Variants in APBA2 observed in about 807,000 individuals in gnomAD.
APBA2 encodes the protein amyloid-beta A4 precursor protein-binding family A member 2.
Under a neutral mutation model 75.0 loss-of-function variants are expected in APBA2, and 30 were observed. The observed-to-expected ratio is 0.40, with a 90% CI of 0.30 to 0.54. The LOEUF (loss-of-function observed/expected upper bound fraction) is 0.54, where lower values mean the gene tolerates loss of function less well. Among genes scored for constraint, APBA2 ranks in the 20% least tolerant of loss-of-function variants. APBA2 has a pLI of 0.49. For missense variants in APBA2, 801 were observed against 1,016.1 expected, an observed-to-expected ratio of 0.79 and a Z score of 2.88; for synonymous variants, 444 against 409.6, an observed-to-expected ratio of 1.08 and a Z score of -1.01.
intron 3 of APBA2, among the ~76,000 whole-genome samples, chr15:29,019,442 G>GAGTT (rs1232453061): frequency 1.3e-5 from 2 of 152,178 alleles, no homozygotes; most frequent in African/African-American, 4.8e-5. Flanking sequence ...AGATAAAGCA[G>GAGTT]AGTTCTCCCT....
At chr15:29,008,457 A>ATGTTGTTATTG (rs1442671834) in intron 3 of APBA2, among the ~76,000 whole-genome samples, 1 of 152,178 alleles carries the variant, frequency 6.6e-6, no homozygotes, top group Non-Finnish European at 1.5e-5. Flanking sequence ...ATATCTAGTA[A>ATGTTGTTATTG]AACACACACT....
chr15:29,016,977 T>A (rs2039692622), intron 3 of APBA2, among the ~76,000 whole-genome samples: 1 of 152,184 alleles, frequency 6.6e-6, no homozygotes, highest in Non-Finnish European at 1.5e-5. Context: ...AGAAAGCTGA[T>A]CAAAATAACT....
chr15:28,922,849 G>A (rs1396511168), intron 2 of APBA2, among the ~76,000 whole-genome samples: 2 of 152,168 alleles, frequency 1.3e-5, no homozygotes, highest in Non-Finnish European at 2.9e-5. Flanking sequence ...GGCACAGCAG[G>A]ATTTATCCCA....
rs1378447380 is a variant in APBA2, at chr15:28,991,924, G to A, written c.-94-3829G>A. On this transcript the variant is annotated intron_variant, in intron 2 of 14. Transcript: ENST00000683413. The surrounding 1 kb of genome is among the most constrained non-coding windows in gnomAD (Gnocchi z 4.7). ...GAGTGCCAGCCCCTTAGCAAGTGCA[G>A]CGTTGCCCATTTCACTCTGGGAAAT... Among the ~76,000 whole-genome samples, 1 of 152,246 alleles carries A rather than the reference G, an allele frequency of 6.6e-6. No individual in the cohort carries two copies. Among genetic ancestry groups the A allele is most frequent in the Non-Finnish European group, 1.5e-5 (1 of 68,042 alleles).
chr15:29,024,892 C>A (rs1176048745), intron 3 of APBA2, among the ~76,000 whole-genome samples: 1 of 152,066 alleles, frequency 6.6e-6, no homozygotes, highest in Non-Finnish European at 1.5e-5. Context: ...CAGGAGATGG[C>A]CTGAGGTATA....
At chr15:28,992,079 G>A (rs1235680728) in intron 2 of APBA2, among the ~76,000 whole-genome samples, 1 of 152,164 alleles carries the variant, frequency 6.6e-6, no homozygotes, top group Non-Finnish European at 1.5e-5. Flanking sequence ...TTAGGGAGAT[G>A]GGTTCCTTCA....
chr15:28,952,249 G>C (rs1431252542), intron 2 of APBA2, among the ~76,000 whole-genome samples: 2 of 152,090 alleles, frequency 1.3e-5, no homozygotes, highest in Admixed American at 6.6e-5. Flanking sequence ...TATTTTCCAA[G>C]TATACACAAA....
chr15:28,999,631 A>T (rs796199889), intron 3 of APBA2, among the ~76,000 whole-genome samples: 44 of 152,276 alleles, frequency 2.9e-4, no homozygotes, highest in African/African-American at 1.0e-3. Context: ...ATTAGGTGTT[A>T]TCTAGTAAGG....
In APBA2 at chr15:28,995,196, T is replaced by G. The variant is rs1279235559; in HGVS notation, c.-94-557T>G. ...GCCTTCCTGTGCAGAGCTTCCTCTA[T>G]TCAGGGAAGTCTGAGACCTGGTGGC... On this transcript the variant is annotated intron_variant, in intron 2 of 14. Coordinates refer to ENST00000683413, the MANE Select transcript of APBA2 (RefSeq NM_001353788.2). 2.0e-5 allele frequency among the ~76,000 whole-genome samples: 3 copies of G among 152,154 alleles called. 1 individual carries two copies. The highest frequency in any genetic ancestry group is 2.0e-4 in the Admixed American group (3 of 15,280).
At chr15:29,084,889 G>A (rs2043222076) in intron 6 of APBA2, among the ~76,000 whole-genome samples, 1 of 152,136 alleles carries the variant, frequency 6.6e-6, no homozygotes, top group African/African-American at 2.4e-5. Flanking sequence ...TCTGTGTCCT[G>A]TAAAATAGTG....
intron 2 of APBA2, among the ~76,000 whole-genome samples, chr15:28,942,251 G>A (rs756891823): frequency 1.2e-4 from 19 of 152,160 alleles, no homozygotes; most frequent in African/African-American, 4.3e-4. Context: ...ACTGTGGGCC[G>A]CGCTCCTTCC....
intron 2 of APBA2, among the ~76,000 whole-genome samples, chr15:28,952,344 G>A (rs977892612): frequency 6.6e-6 from 1 of 152,074 alleles, no homozygotes; most frequent in African/African-American, 2.4e-5. Flanking sequence ...AGTCTGGGTA[G>A]CATAGAGTGA....
chr15:29,117,177 G>T lies in APBA2; in HGVS notation c.*44G>T. On this transcript the variant is annotated 3_prime_UTR_variant, in exon 15 of 15. Coordinates refer to ENST00000683413, the MANE Select transcript of APBA2 (RefSeq NM_001353788.2). ...CGCAGCCAGGACACCGGGCAGGGCC[G>T]CCCGGGCCCAGAGGAGCTGGGAGCC... The T allele has an allele frequency of 6.3e-7, 1 of 1,591,736 alleles. No individual in the cohort carries two copies. The highest frequency in any genetic ancestry group is 1.1e-5 in the South Asian group (1 of 90,640).
At position 29,094,315 on chromosome 15, in the gene APBA2, T is replaced by A; in HGVS notation, c.1251+2T>A. On this transcript the variant is annotated splice_donor_variant, in intron 8 of 14. Coordinates refer to ENST00000683413, the MANE Select transcript of APBA2 (RefSeq NM_001353788.2). LOFTEE classifies it high-confidence loss of function. ...GCTGCTAAGATCAAGAAAAAAGCGG[T>A]GTGTAGGGCCTTGAGGCCCTGGGAC... is the stretch of plus-strand genomic sequence containing the variant. 1 of 1,614,172 alleles carries A rather than the reference T, an allele frequency of 6.2e-7. No homozygotes were observed. The highest frequency in any genetic ancestry group is 8.5e-7 in the Non-Finnish European group (1 of 1,179,984).
intron 3 of APBA2, among the ~76,000 whole-genome samples, chr15:29,001,655 T>G (rs1350388543): frequency 1.3e-5 from 2 of 152,234 alleles, no homozygotes; most frequent in Admixed American, 6.5e-5. Flanking sequence ...TTTCCTTCCC[T>G]GGAAGAGGCA....
At chr15:29,044,960 G>GCCA (rs528204107) in intron 3 of APBA2, among the ~76,000 whole-genome samples, 29 of 152,076 alleles carry the variant, frequency 1.9e-4, no homozygotes, top group Admixed American at 4.6e-4. Context: ...TTCATAGGTG[G>GCCA]CCATCTTCTT....
intron 2 of APBA2, among the ~76,000 whole-genome samples, chr15:28,969,128 T>TTTTCTTTTCTTTCTTTCTTTCTTTC (rs1555383717): frequency 2.9e-5 from 4 of 137,024 alleles, no homozygotes; most frequent in African/African-American, 1.0e-4. Context: ...TTTCATTTCT[T>TTTTCTTTTCTTTCTTTCTTTCTTTC]TTTCTTTCTT....
At chr15:28,968,598 T>C (rs2036866174) in intron 2 of APBA2, among the ~76,000 whole-genome samples, 1 of 152,194 alleles carries the variant, frequency 6.6e-6, no homozygotes. Context: ...CACCCATCTT[T>C]TTGTGAGCAG....
chr15:29,015,857 ATCCTTGCAGTGCTG>A (rs2039633436), intron 3 of APBA2, among the ~76,000 whole-genome samples: 2 of 152,198 alleles, frequency 1.3e-5, no homozygotes, highest in Admixed American at 1.3e-4. Flanking sequence ...CCCGGGGCAG[ATCCTTGCAGTGCTG>A]GGCCTTGGTT....
Sources: gnomAD v4.1 joint callset for allele counts (sites outside exome capture counted in the v4.1 genomes callset) on GRCh38, gnomAD v4.1.1 for gene constraint, Gnocchi (gnomAD v3.1) non-coding constraint, MANE v1.5 for transcripts, NCBI Gene and HGNC (gene_info 2026-07-23, HGNC 2026-07-21) for gene names.